Variants in DCTN5 observed in about 807,000 individuals in gnomAD.
The protein encoded by DCTN5 is dynactin 4.
DCTN5 carries 14 observed loss-of-function variants against 23.5 expected under a neutral mutation model. The ratio of observed to expected loss-of-function variants is 0.60; its 90% confidence interval spans 0.39 to 0.93. The LOEUF is 0.93. Ranked by LOEUF, DCTN5 falls within the 40% of genes least tolerant of loss-of-function variation. DCTN5 has a pLI of 0.00. For synonymous variants in DCTN5, 67 were observed against 79.6 expected, an observed-to-expected ratio of 0.84 and a Z score of 0.84; for missense variants, 156 against 225.9, an observed-to-expected ratio of 0.69 and a Z score of 1.98.
chr16:23,643,143 CTTG>C, intron 2 of DCTN5, 120 bp downstream of exon 2: 1 of 797,414 alleles, frequency 1.3e-6, no homozygotes, highest in Non-Finnish European at 2.0e-6. Flanking sequence ...TTTTAATTCT[CTTG>C]TTTTTAAATT....
At chr16:23,662,378 G>T (rs1967830415) in intron 4 of DCTN5, among the ~76,000 whole-genome samples, 1 of 152,162 alleles carries the variant, frequency 6.6e-6, no homozygotes, top group South Asian at 2.1e-4. Flanking sequence ...CCTAGGAATA[G>T]GTTGATTTAA....
chr16:23,658,426 A>C, intron 2 of DCTN5, 81 bp from the exon 3 acceptor site: 1 of 877,860 alleles, frequency 1.1e-6, no homozygotes, highest in Non-Finnish European at 1.9e-6. Context: ...ATAACTCAGA[A>C]TCAGTATCTC....
chr16:23,666,369 C>A (rs764969184), intron 5 of DCTN5: 4 of 153,456 alleles, frequency 2.6e-5, no homozygotes, highest in Non-Finnish European at 5.8e-5. Context: ...AATATTAATA[C>A]ATTATCTCTG....
At chr16:23,651,183 T>C in intron 2 of DCTN5, 1 of 1,080,292 alleles carries the variant, frequency 9.3e-7, no homozygotes, top group Non-Finnish European at 1.1e-6. Context: ...AACCTCCACT[T>C]TGCTATCTCT....
At chr16:23,657,703 A>G (rs1234430038) in intron 2 of DCTN5, 1 of 222,094 alleles carries the variant, frequency 4.5e-6, no homozygotes, top group South Asian at 4.4e-5. Context: ...CGGCCTCCCA[A>G]AGTGTTGGGA....
At chr16:23,661,563 C>T (rs921688938) in intron 4 of DCTN5, among the ~76,000 whole-genome samples, 4 of 151,864 alleles carry the variant, frequency 2.6e-5, no homozygotes, top group African/African-American at 9.7e-5. Context: ...TACAAAAATA[C>T]AAAAATTAGC....
At chr16:23,665,848 A>G (rs2140988218) in intron 5 of DCTN5, 120 bp downstream of exon 5, 2 of 785,844 alleles carry the variant, frequency 2.5e-6, no homozygotes, top group Middle Eastern at 4.8e-4. Flanking sequence ...CTAACTTAGA[A>G]ATTCACCTGT....
intron 2 of DCTN5, chr16:23,651,221 CT>C (rs1967598831): frequency 3.9e-6 from 4 of 1,019,284 alleles, no homozygotes; most frequent in Non-Finnish European, 3.5e-6. Context: ...GTTCAGTGAA[CT>C]CTTTGCTTTG....
chr16:23,645,131 A>ATT (rs1967423052), intron 2 of DCTN5, among the ~76,000 whole-genome samples: 9 of 22,332 alleles, frequency 4.0e-4, no homozygotes, highest in Non-Finnish European at 6.2e-4. Flanking sequence ...ATATATATAT[A>ATT]TATATATTTT....
chr16:23,647,593 C>T (rs1034018810), intron 2 of DCTN5, among the ~76,000 whole-genome samples: 14 of 151,684 alleles, frequency 9.2e-5, no homozygotes, highest in African/African-American at 2.7e-4. Flanking sequence ...CTGCAGCCTC[C>T]ACTTCCCAGG....
rs753407623 is a variant in DCTN5, at chr16:23,669,962, G to A, written c.*2818G>A. 3.9e-5 allele frequency: 6 copies of A among 152,104 alleles called. No homozygotes were observed. Among genetic ancestry groups the A allele is most frequent in the African/African-American group, 9.7e-5 (4 of 41,402 alleles). The allele number at this position is 152,104 out of a possible 1,614,324, so 9.4% of individuals were successfully genotyped here. A position where few individuals can be genotyped will look rare whatever the true frequency, so the allele number is the denominator to read the frequency against. On this transcript the variant is annotated 3_prime_UTR_variant, in exon 6 of 6. Transcript: ENST00000300087. ...CTTATGGTTCCCATAGCACCTTACCGAGGCGCCCTTATCAATAGAGTTTTA... is the reference window on the plus strand; with the variant it reads ...CTTATGGTTCCCATAGCACCTTACCAAGGCGCCCTTATCAATAGAGTTTTA...
chr16:23,645,098 TATATATATATATATATATATATATATATA>T (rs1967403490), intron 2 of DCTN5, among the ~76,000 whole-genome samples: 1 of 18,104 alleles, frequency 5.5e-5, no homozygotes. Flanking sequence ...TATATATATA[TATATATATATATATATATATATATATATA>T]TATATATATA....
At chr16:23,650,832 A>G in intron 2 of DCTN5, 1 of 1,486,800 alleles carries the variant, frequency 6.7e-7, no homozygotes, top group Non-Finnish European at 9.1e-7. Context: ...AGATCAGATG[A>G]GTCAGTAAGA....
At position 23,672,143 on chromosome 16, in the gene DCTN5, GA is replaced by G. The variant is rs1044984497; in HGVS notation, c.*5000del. 1.3e-5 allele frequency: 2 copies of G among 152,212 alleles called. No individual in the cohort carries two copies. The highest frequency in any genetic ancestry group is 4.8e-5 in the African/African-American group (2 of 41,448). The allele number at this position is 152,212 out of a possible 1,614,324, so 9.4% of individuals were successfully genotyped here. On this transcript the variant is annotated 3_prime_UTR_variant, in exon 6 of 6. Transcript: ENST00000300087. Reference sequence around the variant, plus strand: ...GGAGTCTGGGAGAATGAGGAAATATGAGAGCCCCAGGAACTGAAAAGGCCTG... The same window carrying G: ...GGAGTCTGGGAGAATGAGGAAATATGGAGCCCCAGGAACTGAAAAGGCCTG...
Position 23,667,177 on chromosome 16 carries a change from C to T in DCTN5, c.*33C>T, listed in dbSNP as rs771931140. The T allele has an allele frequency of 6.2e-7, 1 of 1,610,106 alleles. No homozygotes were observed. Among genetic ancestry groups the T allele is most frequent in the Admixed American group, 1.7e-5 (1 of 59,986 alleles). ...GCCTCATGTCTTGAATCTGCTTGAG[C>T]TCTAAGATGAACCTGGGGACAAAGT... On this transcript the variant is annotated 3_prime_UTR_variant, in exon 6 of 6. Transcript: ENST00000300087.
chr16:23,647,140 T>G (rs890704273), intron 2 of DCTN5, among the ~76,000 whole-genome samples: 3 of 151,870 alleles, frequency 2.0e-5, no homozygotes, highest in Non-Finnish European at 2.9e-5. Context: ...TTCTGGTTTT[T>G]TTTTTTTTTT....
rs1244928449 is a variant in DCTN5 at position 23,642,981 on chromosome 16, G to C, written c.75G>C (p.Gln25His). The C allele has an allele frequency of 1.9e-6, 3 of 1,614,188 alleles. No homozygotes were observed. Among genetic ancestry groups the C allele is most frequent in the Non-Finnish European group, 2.5e-6 (3 of 1,180,028 alleles). Residue 25 changes from glutamine to histidine, a missense_variant, in exon 2 of 6, where the codon CAG becomes CAC. Transcript: ENST00000300087. ...ETASGNKVSRQSVLCGSQNIV... is the reference protein window; with the variant it reads ...ETASGNKVSRHSVLCGSQNIV... ...CATCTGGGAACAAAGTCAGTCGCCA[G>C]TCAGTGTTGTGTGGAAGCCAGAACA...
At chr16:23,665,570 G>A in intron 4 of DCTN5, 56 bp from the exon 5 acceptor site, 2 of 1,497,810 alleles carry the variant, frequency 1.3e-6, no homozygotes, top group South Asian at 2.5e-5. Flanking sequence ...AAAATAGAAA[G>A]GAGCCTTTCA....
rs963816451 is a variant in DCTN5 at position 23,641,474 on chromosome 16, C to G, written c.-69C>G. 2 of 1,591,120 alleles carry G rather than the reference C, an allele frequency of 1.3e-6. No homozygotes were observed. The highest frequency in any genetic ancestry group is 1.7e-6 in the Non-Finnish European group (2 of 1,161,632). The stretch of plus-strand genomic sequence containing the variant: ...GAAGTGGAGGAGCGGCCGGAAGTAG[C>G]CGGAATCTCTGAAAGACTGACCGAC... On this transcript the variant is annotated 5_prime_UTR_variant, in exon 1 of 6. Coordinates refer to ENST00000300087, the MANE Select transcript of DCTN5 (RefSeq NM_032486.4).
Sources: gnomAD v4.1 joint callset for allele counts (sites outside exome capture counted in the v4.1 genomes callset) on GRCh38, gnomAD v4.1.1 for gene constraint, MANE v1.5 for transcripts, NCBI Gene and HGNC (gene_info 2026-07-23, HGNC 2026-07-21) for gene names.